Variants in MFAP3 observed in about 807,000 individuals in gnomAD.
MFAP3 encodes the protein microfibril associated protein 3, also known as microfibril-associated glycoprotein 3.
MFAP3 carries 8 observed loss-of-function variants against 20.5 expected under a neutral mutation model. The observed-to-expected ratio is 0.39, with a 90% confidence interval of 0.23 to 0.70. The LOEUF (loss-of-function observed/expected upper bound fraction) is 0.70. Among genes scored for constraint, MFAP3 ranks in the 30% least tolerant of loss-of-function variants. MFAP3 has a pLI of 0.44. For missense variants in MFAP3, 398 were observed against 444.6 expected (o/e 0.90, Z 0.94); for synonymous variants, 140 against 154.0 (o/e 0.91, Z 0.67).
intron 2 of MFAP3, 70 bp downstream of exon 2, chr5:154,050,087 TA>T: frequency 6.7e-7 from 1 of 1,493,386 alleles, no homozygotes. Flanking sequence ...TTTAACACGT[TA>T]AACAAAAAGT....
chr5:154,042,129 G>A (rs1425220665), intron 1 of MFAP3, among the ~76,000 whole-genome samples: 1 of 152,158 alleles, frequency 6.6e-6, no homozygotes, highest in East Asian at 1.9e-4. Context: ...TTCATAAGCT[G>A]AACAAGTAGA....
chr5:154,049,921 A>G lies in MFAP3; in HGVS notation c.199A>G (p.Thr67Ala). Reference protein sequence around the residue: ...DDDVIIAKEGTSVSIECLLTA... With the variant: ...DDDVIIAKEGASVSIECLLTA... ...TGATGTCATCATAGCCAAAGAGGGA[A>G]CTAGCGTTTCAATTGAGTGTCTTCT... The change falls in exon 2 of 3, where the codon ACT becomes GCT. Residue 67 changes from threonine (T) to alanine (A), a missense_variant. Coordinates refer to ENST00000522782, the MANE Select transcript of MFAP3 (RefSeq NM_005927.5). The G allele has an allele frequency of 1.9e-6, 3 of 1,613,654 alleles. No homozygotes were observed. The highest frequency in any genetic ancestry group is 2.5e-6 in the Non-Finnish European group (3 of 1,179,674).
At chr5:154,051,597 C>G (rs1305602443) in intron 2 of MFAP3, 2 of 152,228 alleles carry the variant, frequency 1.3e-5, no homozygotes, top group Non-Finnish European at 2.9e-5. Context: ...TTCATCATAC[C>G]TTGGATTCAA....
rs1044683658 is a variant in MFAP3 at position 154,050,746 on chromosome 5, TATTTA to T, written c.295+734_295+738del. Among the ~76,000 whole-genome samples the T allele has an allele frequency of 3.3e-5, 5 of 151,982 alleles. No homozygotes were observed. In the East Asian group the frequency reaches 9.6e-4, roughly 29 times the overall value. ...CAAGGTCTACTTTTTGACAGATTTT[TATTTA>T]ATTTTCCTATTCATGGATCTGTGAA... is the stretch of plus-strand genomic sequence containing the variant. On this transcript the variant is annotated intron_variant, in intron 2 of 2. Coordinates refer to ENST00000522782, the MANE Select transcript of MFAP3 (RefSeq NM_005927.5).
Position 154,055,762 on chromosome 5 carries a change from TTC to T in MFAP3, c.*2050_*2051del, listed in dbSNP as rs1438685369. Among the ~76,000 whole-genome samples the T allele has an allele frequency of 6.6e-6, 1 of 152,064 alleles. No homozygotes were observed. Among genetic ancestry groups the T allele is most frequent in the Non-Finnish European group, 1.5e-5 (1 of 68,004 alleles). ...CTAGGACTACAGGTGTGCACCACCTTTCCTGGCTAATTTTTTTTTATTTTTTG... is the reference window on the plus strand; with the variant it reads ...CTAGGACTACAGGTGTGCACCACCTTCTGGCTAATTTTTTTTTATTTTTTG... On this transcript the variant is annotated 3_prime_UTR_variant, in exon 3 of 3. Transcript: ENST00000522782.
chr5:154,050,640 A>G (rs879255850), intron 2 of MFAP3, among the ~76,000 whole-genome samples: 3 of 55,190 alleles, frequency 5.4e-5, no homozygotes, highest in Non-Finnish European at 1.2e-4. Context: ...TTTGTATTCT[A>G]TACCTTAATT....
chr5:154,052,340 C>T (rs1425219823), intron 2 of MFAP3, among the ~76,000 whole-genome samples: 1 of 151,568 alleles, frequency 6.6e-6, no homozygotes, highest in Non-Finnish European at 1.5e-5. Flanking sequence ...ATGTGCAAGG[C>T]ATACCAGATT....
Position 154,048,146 on chromosome 5 carries a change from T to A in MFAP3, c.-166-1411T>A, listed in dbSNP as rs966186179. The stretch of plus-strand genomic sequence containing the variant: ...AAGAAGCAAATCACTGTGCACTGAA[T>A]CAATTAGATTATATTACTTCCAAAA... On this transcript the variant is annotated intron_variant, in intron 1 of 2. Coordinates refer to ENST00000522782, the MANE Select transcript of MFAP3 (RefSeq NM_005927.5). 3.3e-5 allele frequency among the ~76,000 whole-genome samples: 5 copies of A among 152,158 alleles called. No homozygotes were observed. In the South Asian group the frequency reaches 6.2e-4, roughly 19 times the overall value.
At chr5:154,048,801 A>C (rs1773118135) in intron 1 of MFAP3, among the ~76,000 whole-genome samples, 1 of 152,168 alleles carries the variant, frequency 6.6e-6, no homozygotes, top group African/African-American at 2.4e-5. Flanking sequence ...TCCCTTAGCT[A>C]GTTTACAGAG....
At position 154,050,025 on chromosome 5, in the gene MFAP3, G is replaced by T. The variant is rs1007061288; in HGVS notation, c.295+8G>T. The T allele has an allele frequency of 6.3e-7, 1 of 1,597,690 alleles. No homozygotes were observed. The highest frequency in any genetic ancestry group is 8.6e-7 in the Non-Finnish European group (1 of 1,168,956). On this transcript the variant is annotated splice_region_variant and intron_variant, in intron 2 of 2. Transcript: ENST00000522782. The stretch of plus-strand genomic sequence containing the variant: ...TGGATGGCAGAAGCAGAGGTAATTG[G>T]TCAGGGTATAATTAATCAAGGTTAC...
At chr5:154,044,709 T>C (rs1773036156) in intron 1 of MFAP3, among the ~76,000 whole-genome samples, 1 of 152,140 alleles carries the variant, frequency 6.6e-6, no homozygotes, top group Non-Finnish European at 1.5e-5. Context: ...GAACCACAAA[T>C]CTTGGCCACA....
rs947386034 is a variant in MFAP3, at chr5:154,053,061, A to T, written c.437A>T (p.Asp146Val). 3 of 1,613,484 alleles carry T rather than the reference A, an allele frequency of 1.9e-6. No individual in the cohort carries two copies. In the Admixed American group the frequency reaches 5.0e-5, roughly 27 times the overall value. ...CTACGTGTTATCTTCACCTCGGGAG[A>T]CATGAGTGTCTATTACATGATTGTT... ...VTLRVIFTSGDMSVYYMIVCL... is the reference protein window; with the variant it reads ...VTLRVIFTSGVMSVYYMIVCL... Residue 146 changes from aspartate (D) to valine (V), a missense_variant, in exon 3 of 3, where the codon GAC (aspartate) becomes GTC (valine). Coordinates refer to ENST00000522782, the MANE Select transcript of MFAP3 (RefSeq NM_005927.5).
At position 154,056,590 on chromosome 5, in the gene MFAP3, C is replaced by T. The variant is rs900318280; in HGVS notation, c.*2877C>T. Among the ~76,000 whole-genome samples, 2 of 152,150 alleles carry T rather than the reference C, an allele frequency of 1.3e-5. No individual in the cohort carries two copies. The highest frequency in any genetic ancestry group is 2.9e-5 in the Non-Finnish European group (2 of 68,028). ...AATGTATTTAAAATAGCTGTCATCT[C>T]ATTTGTAAATTTTGTCGTGTATTGT... On this transcript the variant is annotated 3_prime_UTR_variant, in exon 3 of 3. Transcript: ENST00000522782.
At chr5:154,039,281 T>G (rs926280215) in intron 1 of MFAP3, 2 of 152,026 alleles carry the variant, frequency 1.3e-5, no homozygotes, top group Admixed American at 6.5e-5. Context: ...TATAAACAAG[T>G]CAACAAACGG....
intron 1 of MFAP3, among the ~76,000 whole-genome samples, chr5:154,041,720 T>G (rs959513919): frequency 1.3e-5 from 2 of 152,184 alleles, no homozygotes; most frequent in African/African-American, 4.8e-5. Context: ...TCACAGTGTT[T>G]GGATACATCA....
chr5:154,039,035 C>G (rs1315026514), intron 1 of MFAP3, 24 bp downstream of exon 1: 8 of 152,276 alleles, frequency 5.3e-5, no homozygotes, highest in African/African-American at 1.7e-4. Context: ...TGGTTGGGGT[C>G]GCTGCGAGGG....
At position 154,053,996 on chromosome 5, in the gene MFAP3, C is replaced by T. The variant is rs17535045; in HGVS notation, c.*283C>T. On this transcript the variant is annotated 3_prime_UTR_variant, in exon 3 of 3. Transcript: ENST00000522782. ...GGGGAAAAGCACTGAACTAAGAGTCCCATGGTTTCTCTTCTGGTCACAGTT... is the reference window on the plus strand; with the variant it reads ...GGGGAAAAGCACTGAACTAAGAGTCTCATGGTTTCTCTTCTGGTCACAGTT... The T allele has an allele frequency of 1.0e-4, 33 of 329,512 alleles. 1 individual carries two copies. The highest frequency in any genetic ancestry group is 1.8e-4 in the Non-Finnish European group (30 of 170,116). 20.4% of individuals were successfully genotyped at this position (329,512 alleles called of 1,614,324 possible).
intron 1 of MFAP3, among the ~76,000 whole-genome samples, chr5:154,043,548 T>TCTCA (rs1554086543): frequency 6.7e-6 from 1 of 149,232 alleles, no homozygotes; most frequent in South Asian, 2.1e-4. Context: ...CGAAACTCCG[T>TCTCA]CACACACACA....
chr5:154,046,461 G>T (rs899301007), intron 1 of MFAP3, among the ~76,000 whole-genome samples: 3 of 152,196 alleles, frequency 2.0e-5, no homozygotes, highest in Non-Finnish European at 4.4e-5. Context: ...TTCTTAAGGG[G>T]TAGTTGAGAT....
Sources: allele counts gnomAD v4.1 joint callset (sites outside exome capture counted in the v4.1 genomes callset), GRCh38; gene constraint gnomAD v4.1.1; transcripts MANE v1.5; gene names NCBI Gene and HGNC (gene_info 2026-07-23, HGNC 2026-07-21).